ZSWIM6: variants seen among roughly 807,000 people sequenced by gnomAD.
The protein encoded by ZSWIM6 is zinc finger SWIM-type containing 6.
In ZSWIM6, 9 loss-of-function variants were observed where a neutral mutation model predicts 113.2. The ratio of observed to expected loss-of-function variants is 0.08; its 90% CI spans 0.05 to 0.14. The LOEUF (loss-of-function observed/expected upper bound fraction) is 0.14, where lower values mean the gene tolerates loss of function less well. Among genes scored for constraint, ZSWIM6 ranks in the 10% least tolerant of loss-of-function variants. ZSWIM6 has a pLI of 1.00. For missense variants in ZSWIM6, 1,162 were observed against 1,552.2 expected (o/e 0.75, Z 4.22); for synonymous variants, 611 against 606.5 (o/e 1.01, Z -0.11).
intron 1 of ZSWIM6, among the ~76,000 whole-genome samples, chr5:61,389,858 C>T (rs960123978): frequency 2.6e-5 from 4 of 152,168 alleles, no homozygotes; most frequent in Non-Finnish European, 5.9e-5. Context: ...GCTGTATATG[C>T]ATGAGCCTTG....
At chr5:61,338,133 CTT>C (rs1348317361) in intron 1 of ZSWIM6, among the ~76,000 whole-genome samples, 3 of 148,180 alleles carry the variant, frequency 2.0e-5, no homozygotes, top group East Asian at 2.0e-4. Flanking sequence ...TTCTTACACT[CTT>C]TTCATATTCA....
intron 1 of ZSWIM6, among the ~76,000 whole-genome samples, chr5:61,446,828 TTC>T (rs2112153181): frequency 6.6e-6 from 1 of 152,184 alleles, no homozygotes; most frequent in South Asian, 2.1e-4. Context: ...ACATAAACAC[TTC>T]TAAACATGTA....
intron 1 of ZSWIM6, among the ~76,000 whole-genome samples, chr5:61,453,307 A>G (rs1243852066): frequency 6.6e-6 from 1 of 151,698 alleles, no homozygotes; most frequent in East Asian, 1.9e-4. Flanking sequence ...GCTACTTAAC[A>G]TATATATTAC....
intron 1 of ZSWIM6, among the ~76,000 whole-genome samples, chr5:61,359,400 G>A (rs552514494): frequency 3.9e-5 from 6 of 152,190 alleles, no homozygotes; most frequent in South Asian, 4.1e-4. Flanking sequence ...TGATCTGACC[G>A]CTCTCCTCCC....
At chr5:61,474,960 G>A (rs1747669916) in intron 2 of ZSWIM6, among the ~76,000 whole-genome samples, 2 of 152,162 alleles carry the variant, frequency 1.3e-5, no homozygotes, top group Admixed American at 1.3e-4. Flanking sequence ...TTAAATAACA[G>A]GAGTGTAAAC....
chr5:61,433,536 G>C (rs1396978500), intron 1 of ZSWIM6, among the ~76,000 whole-genome samples: 1 of 150,346 alleles, frequency 6.7e-6, no homozygotes, highest in Non-Finnish European at 1.5e-5. Context: ...GCAATGGCGT[G>C]ATCTTGGCTC....
intron 1 of ZSWIM6, among the ~76,000 whole-genome samples, chr5:61,377,357 A>T (rs537962822): frequency 6.6e-6 from 1 of 152,302 alleles, no homozygotes; most frequent in East Asian, 1.9e-4. Context: ...TATAGTTTAG[A>T]ATGAAAGTTT....
intron 4 of ZSWIM6, among the ~76,000 whole-genome samples, chr5:61,511,829 G>A (rs57761793): frequency 0.031 from 4,652 of 152,216 alleles, 226 homozygotes; most frequent in African/African-American, 0.11. Flanking sequence ...AATTCTGACT[G>A]TGAAGGGTTA....
intron 1 of ZSWIM6, among the ~76,000 whole-genome samples, chr5:61,445,103 C>T (rs1479605067): frequency 1.3e-5 from 2 of 152,044 alleles, no homozygotes; most frequent in Non-Finnish European, 2.9e-5. Flanking sequence ...ATAGTTTATG[C>T]AATACTCATT....
intron 8 of ZSWIM6, among the ~76,000 whole-genome samples, chr5:61,531,083 A>G (rs1471636347): frequency 6.6e-6 from 1 of 152,210 alleles, no homozygotes; most frequent in Non-Finnish European, 1.5e-5. Context: ...TTATTATGGA[A>G]ACGTTTTGAA....
chr5:61,433,931 T>C (rs1746640307), intron 1 of ZSWIM6, among the ~76,000 whole-genome samples: 1 of 150,474 alleles, frequency 6.6e-6, no homozygotes, highest in African/African-American at 2.4e-5. Context: ...TAATTGATGA[T>C]CATTTACATA....
intron 1 of ZSWIM6, among the ~76,000 whole-genome samples, chr5:61,454,642 C>T (rs988821875): frequency 6.7e-6 from 1 of 148,990 alleles, no homozygotes; most frequent in Non-Finnish European, 1.5e-5. Context: ...AATGCAGTGG[C>T]GCGATCTTGG....
intron 5 of ZSWIM6, among the ~76,000 whole-genome samples, 192 bp downstream of exon 5, chr5:61,521,634 G>T (rs147646920): frequency 6.6e-6 from 1 of 152,012 alleles, no homozygotes; most frequent in African/African-American, 2.4e-5. Flanking sequence ...TGAGATATTT[G>T]TATACTTTTT....
intron 1 of ZSWIM6, among the ~76,000 whole-genome samples, chr5:61,387,642 C>T (rs574216568): frequency 6.6e-5 from 10 of 152,252 alleles, no homozygotes; most frequent in African/African-American, 2.2e-4. Flanking sequence ...CACAGTGGCT[C>T]ATGCTTGTAA....
intron 12 of ZSWIM6, among the ~76,000 whole-genome samples, chr5:61,540,323 T>C (rs1749695138): frequency 1.3e-5 from 2 of 152,178 alleles, no homozygotes; most frequent in South Asian, 4.1e-4. Context: ...TGCTTCCTTA[T>C]AGTTTCTGAA....
chr5:61,463,472 G>A (rs1040228776), intron 1 of ZSWIM6, among the ~76,000 whole-genome samples: 2 of 152,176 alleles, frequency 1.3e-5, no homozygotes, highest in Non-Finnish European at 2.9e-5. Context: ...AGCATTATCA[G>A]CATCACCTGG....
In ZSWIM6 at chr5:61,368,369, A is replaced by G. The variant is rs142290422; in HGVS notation, c.676+35421A>G. Among the ~76,000 whole-genome samples, 702 of 151,808 alleles carry G rather than the reference A, an allele frequency of 4.6e-3. 7 individuals are homozygous for G. The highest frequency in any genetic ancestry group is 0.016 in the African/African-American group (665 of 41,056). On this transcript the variant is annotated intron_variant, in intron 1 of 13. Transcript: ENST00000252744. ...GTTGAAATAATTTAAAAGTATTCATATTAATTGGTGTAATAAGTTAGGACT... is the reference window on the plus strand; with the variant it reads ...GTTGAAATAATTTAAAAGTATTCATGTTAATTGGTGTAATAAGTTAGGACT...
At chr5:61,497,181 C>CTTGTA (rs1748342333) in intron 4 of ZSWIM6, among the ~76,000 whole-genome samples, 1 of 151,734 alleles carries the variant, frequency 6.6e-6, no homozygotes, top group Non-Finnish European at 1.5e-5. Flanking sequence ...AGTATGCTAG[C>CTTGTA]CAAGTAACTC....
In ZSWIM6 at chr5:61,543,727, G is replaced by A. The variant is rs376792824; in HGVS notation, c.3058G>A (p.Ala1020Thr). ...GACGGCGTACCAAATTGTTCTCGAC[G>A]CTGCTACGACTGGCATGAGCTATAC... ...FETAYQIVLD[A>T]ATTGMSYTQL... Residue 1020 changes from alanine (A) to threonine (T), a missense_variant, in exon 14 of 14, where the codon GCT (alanine) becomes ACT (threonine). Transcript: ENST00000252744. This position sits in a 1 kb window ranked among gnomAD's most constrained non-coding sequence, Gnocchi z 4.3. The A allele has an allele frequency of 2.3e-5, 35 of 1,551,622 alleles. No individual in the cohort carries two copies. The highest frequency in any genetic ancestry group is 4.8e-5 in the South Asian group (4 of 84,058).
Sources: allele counts gnomAD v4.1 joint callset (sites outside exome capture counted in the v4.1 genomes callset), GRCh38; gene constraint gnomAD v4.1.1; non-coding constraint Gnocchi (gnomAD v3.1); transcripts MANE v1.5; gene names NCBI Gene and HGNC (gene_info 2026-07-23, HGNC 2026-07-21).